The following MTOR variants were observed in gnomAD, a reference collection of about 807,000 sequenced individuals.
MTOR encodes mechanistic target of rapamycin kinase, also known as serine/threonine-protein kinase mTOR.
MTOR carries 70 observed loss-of-function variants against 319.8 expected under a neutral mutation model. That is an observed-to-expected ratio of 0.22 (90% CI 0.18 to 0.27). The LOEUF is 0.27. Among genes scored for constraint, MTOR ranks in the 10% least tolerant of loss-of-function variants. The pLI is 1.00. For missense variants in MTOR, 1,890 were observed against 3,274.4 expected (o/e 0.58, Z 10.32); for synonymous variants, 1,183 against 1,211.4 (o/e 0.98, Z 0.49).
intron 26 of MTOR, among the ~76,000 whole-genome samples, chr1:11,200,715 G>C (rs1207759672): frequency 6.6e-6 from 1 of 152,118 alleles, no homozygotes; most frequent in Non-Finnish European, 1.5e-5. Flanking sequence ...AAAAAAGTCT[G>C]TTATAAATTT....
rs866100451 is a variant in MTOR, at chr1:11,145,015, C to T, written c.4717G>A (p.Ala1573Thr). ...CIDKARDLLD[A>T]ELTAMAGESY... ...TCTCCTGCCATCGCAGTTAATTCAG[C>T]ATCCAGCAGGTCCCTGGCCTTGTCA... is the stretch of plus-strand genomic sequence containing the variant. The change falls in exon 33 of 58, where the codon GCT becomes ACT. Residue 1573 changes from alanine to threonine, a missense_variant. This residue lies in a region of MTOR where 276 missense variants were observed against 459.4 expected (regional missense o/e 0.60). Transcript: ENST00000361445. The T allele has an allele frequency of 6.2e-7, 1 of 1,614,166 alleles. No homozygotes were observed. Among genetic ancestry groups the T allele is most frequent in the Non-Finnish European group, 8.5e-7 (1 of 1,180,010 alleles).
At position 11,189,900 on chromosome 1, in the gene MTOR, C is replaced by T. The variant is rs200123468; in HGVS notation, c.4253+9358G>A. The T allele has an allele frequency of 3.7e-6, 6 of 1,613,984 alleles. No homozygotes were observed. The Admixed American group carries it at 6.7e-5, about 18-fold the overall frequency. ...AGAGCAAGTACTCCGAGATGAACAA[C>T]CAAATTGACATCATGCAGCTGCAGG... On this transcript the variant is annotated intron_variant, in intron 28 of 57. Coordinates refer to ENST00000361445, the MANE Select transcript of MTOR (RefSeq NM_004958.4).
chr1:11,190,907 A>G (rs912848758), intron 28 of MTOR, among the ~76,000 whole-genome samples: 2 of 152,222 alleles, frequency 1.3e-5, no homozygotes, highest in Non-Finnish European at 2.9e-5. Flanking sequence ...AAATTAAGAA[A>G]AAGTTTTAAC....
chr1:11,135,279 G>A (rs1043794156), intron 36 of MTOR, among the ~76,000 whole-genome samples: 2 of 152,026 alleles, frequency 1.3e-5, no homozygotes, highest in Non-Finnish European at 2.9e-5. Context: ...TTTTCTAGAG[G>A]GGGGAAAACC....
At chr1:11,220,875 AAAGG>A (rs1646638559) in intron 19 of MTOR, among the ~76,000 whole-genome samples, 1 of 152,338 alleles carries the variant, frequency 6.6e-6, no homozygotes, top group African/African-American at 2.4e-5. Context: ...AGGAAATAAT[AAAGG>A]AAGGAAGAAA....
chr1:11,127,609 T>A lies in MTOR; in HGVS notation c.6216+15A>T, dbSNP rs911150851. ...TTCTACAGGGTTATGTCCTTTCGTG[T>A]TTTTTACCCCATACCTGATTAAAGG... On this transcript the variant is annotated intron_variant, in intron 44 of 57. Coordinates refer to ENST00000361445, the MANE Select transcript of MTOR (RefSeq NM_004958.4). The surrounding 1 kb of genome is among the most constrained non-coding windows in gnomAD (Gnocchi z 5.5). 1.3e-6 allele frequency: 2 copies of A among 1,587,892 alleles called. No homozygotes were observed. Among genetic ancestry groups the A allele is most frequent in the East Asian group, 4.5e-5 (2 of 44,612 alleles).
At chr1:11,189,955 G>C in intron 28 of MTOR, 1 of 1,604,688 alleles carries the variant, frequency 6.2e-7, no homozygotes, top group Non-Finnish European at 8.5e-7. Flanking sequence ...GACCTCCGCA[G>C]GTAAGGAGAC....
intron 29 of MTOR, among the ~76,000 whole-genome samples, chr1:11,163,012 C>T (rs574607581): frequency 6.6e-6 from 1 of 152,074 alleles, no homozygotes; most frequent in African/African-American, 2.4e-5. Context: ...GAGTCAAGAC[C>T]CATCAGTGTG....
intron 36 of MTOR, among the ~76,000 whole-genome samples, chr1:11,137,679 T>C (rs1429873788): frequency 1.3e-5 from 2 of 152,140 alleles, no homozygotes; most frequent in Admixed American, 1.3e-4. Context: ...ATGGGTGGGT[T>C]TGTGGGCAAG....
intron 28 of MTOR, among the ~76,000 whole-genome samples, chr1:11,188,579 C>A (rs1645397774): frequency 6.6e-6 from 1 of 152,182 alleles, no homozygotes; most frequent in South Asian, 2.1e-4. Context: ...GGTGACCAAT[C>A]CCAGACATGC....
chr1:11,122,549 C>T (rs951745833), intron 47 of MTOR, among the ~76,000 whole-genome samples: 8 of 146,930 alleles, frequency 5.4e-5, no homozygotes, highest in Non-Finnish European at 1.0e-4. Flanking sequence ...GTTCTGTTGC[C>T]CAGGCTGGAA....
intron 6 of MTOR, 106 bp downstream of exon 6, chr1:11,253,732 GT>G: frequency 1.6e-6 from 2 of 1,269,340 alleles, no homozygotes; most frequent in Non-Finnish European, 2.2e-6. Context: ...TATTTATTAT[GT>G]TTCCTGCCAC....
intron 4 of MTOR, 193 bp from the exon 5 acceptor site, chr1:11,256,385 G>C (rs1650404904): frequency 1.1e-6 from 1 of 930,288 alleles, no homozygotes; most frequent in Non-Finnish European, 1.3e-6. Context: ...ATTATCCTAG[G>C]TTGTTTACAA....
chr1:11,128,662 G>T lies in MTOR; in HGVS notation c.5812-110C>A. On this transcript the variant is annotated intron_variant, in intron 41 of 57. Coordinates refer to ENST00000361445, the MANE Select transcript of MTOR (RefSeq NM_004958.4). The surrounding 1 kb of genome is among the most constrained non-coding windows in gnomAD (Gnocchi z 5.3). ...TTGTTTCGGTTGATGCTCTGAAATG[G>T]TTCATTCCCTTCCCTTTAGTTTCTA... 2 of 1,183,324 alleles carry T rather than the reference G, an allele frequency of 1.7e-6. No homozygotes were observed. The highest frequency in any genetic ancestry group is 2.0e-4 in the Middle Eastern group (1 of 5,112). The allele number at this position is 1,183,324 out of a possible 1,614,324, so 73.3% of individuals were successfully genotyped here.
rs2100395955 is a variant in MTOR at position 11,126,638 on chromosome 1, C to T, written c.6510G>A (p.Arg2170=). The T allele has an allele frequency of 6.2e-7, 1 of 1,613,846 alleles. No homozygotes were observed. Among genetic ancestry groups the T allele is most frequent in the Non-Finnish European group, 8.5e-7 (1 of 1,179,968 alleles). The stretch of plus-strand genomic sequence containing the variant: ...GGTCCTTACCCATAAGTGTCAATTT[C>T]CGGGGCCTCTGCTTGGATGTGATGA... The part of the protein sequence containing the change: ...LQVITSKQRP[R]KLTLMGSNGH... The change falls in exon 46 of 58, where the codon CGG becomes CGA. Residue 2170 remains arginine (R), a synonymous_variant. Transcript: ENST00000361445.
chr1:11,226,147 GA>G (rs1646828262), intron 19 of MTOR: 1 of 152,062 alleles, frequency 6.6e-6, no homozygotes, highest in Non-Finnish European at 1.5e-5. Flanking sequence ...CATTAAAAGA[GA>G]AAAACCATAT....
intron 25 of MTOR, among the ~76,000 whole-genome samples, chr1:11,208,518 G>A (rs1303065006): frequency 6.6e-6 from 1 of 152,276 alleles, no homozygotes; most frequent in African/African-American, 2.4e-5. Flanking sequence ...TGCACATGGA[G>A]TGAGATGGCT....
chr1:11,218,958 A>G (rs1356659058), intron 19 of MTOR, among the ~76,000 whole-genome samples: 2 of 152,326 alleles, frequency 1.3e-5, no homozygotes, highest in East Asian at 3.9e-4. Context: ...CTGTAATCCC[A>G]GCACTTTGGG....
rs528772461 is a variant in MTOR, at chr1:11,128,070, A to C, written c.5967T>G (p.Asn1989Lys). ...TGTTCTTCAGAATCTTGTTGGCTGC[A>C]TTGTGCCGGGCTGTCGTGGTAGACT... is the stretch of plus-strand genomic sequence containing the variant. ...ASKSTTTARH[N>K]AANKILKNMC... The change falls in exon 43 of 58, where the codon AAT (asparagine) becomes AAG (lysine). Residue 1989 changes from asparagine to lysine, a missense_variant. By Grantham distance (94) the Asn-to-Lys change is moderately conservative (BLOSUM62 0). Coordinates refer to ENST00000361445, the MANE Select transcript of MTOR (RefSeq NM_004958.4). This position sits in a 1 kb window ranked among gnomAD's most constrained non-coding sequence, Gnocchi z 5.3. 4.3e-6 allele frequency: 7 copies of C among 1,614,176 alleles called. No homozygotes were observed. Among genetic ancestry groups the C allele is most frequent in the Non-Finnish European group, 5.9e-6 (7 of 1,180,038 alleles).
Sources: gnomAD v4.1 joint callset for allele counts (sites outside exome capture counted in the v4.1 genomes callset) on GRCh38, gnomAD v4.1.1 for gene constraint, gnomAD v4.1.1 regional missense constraint, Gnocchi (gnomAD v3.1) non-coding constraint, MANE v1.5 for transcripts, NCBI Gene and HGNC (gene_info 2026-07-23, HGNC 2026-07-21) for gene names.